ZSWIM5: variants seen among roughly 807,000 people sequenced by gnomAD.
ZSWIM5 encodes zinc finger SWIM-type containing 5.
A neutral mutation model predicts 119.6 loss-of-function variants in ZSWIM5; 55 were observed. The ratio of observed to expected loss-of-function variants is 0.46; its 90% CI spans 0.37 to 0.58. The LOEUF is 0.58. ZSWIM5 is among the 20% of genes least tolerant of loss of function. The pLI, the probability that ZSWIM5 is intolerant of heterozygous loss-of-function variation, is 0.00. For missense variants in ZSWIM5, 1,193 were observed against 1,512.8 expected (o/e 0.79, Z 3.51); for synonymous variants, 537 against 606.9 (o/e 0.88, Z 1.69).
At chr1:45,131,507 T>C (rs1382651775) in intron 1 of ZSWIM5, among the ~76,000 whole-genome samples, 1 of 152,006 alleles carries the variant, frequency 6.6e-6, no homozygotes, top group Non-Finnish European at 1.5e-5. Flanking sequence ...GTGGACCACT[T>C]AAGCTCCGGA....
chr1:45,154,843 T>C (rs1246515066), intron 1 of ZSWIM5, among the ~76,000 whole-genome samples: 2 of 151,908 alleles, frequency 1.3e-5, no homozygotes, highest in Non-Finnish European at 2.9e-5. Flanking sequence ...GATTGTGCCA[T>C]TGCACTCCAG....
chr1:45,200,408 A>T (rs1441110769), intron 1 of ZSWIM5, among the ~76,000 whole-genome samples: 1 of 152,238 alleles, frequency 6.6e-6, no homozygotes, highest in Non-Finnish European at 1.5e-5. Context: ...CACAAGGTAA[A>T]AAAATTCACA....
intron 2 of ZSWIM5, among the ~76,000 whole-genome samples, chr1:45,085,258 C>T (rs368759300): frequency 4.6e-5 from 7 of 152,176 alleles, no homozygotes; most frequent in South Asian, 4.1e-4. Flanking sequence ...AGCAGGGTAG[C>T]GGAGCCCTGG....
chr1:45,135,808 T>G (rs1443179782), intron 1 of ZSWIM5, among the ~76,000 whole-genome samples: 1 of 152,042 alleles, frequency 6.6e-6, no homozygotes. Context: ...GGTAGAAAAT[T>G]TTCAGGATTT....
rs139230522 is a variant in ZSWIM5, at chr1:45,154,359, T to G, written c.595+51397A>C. On this transcript the variant is annotated intron_variant, in intron 1 of 13. Transcript: ENST00000359600. ...CCTGATTTCAAACATAAGGTCACAGTCACCAAAACAGCATGGTGCTGGTAT... is the reference window on the plus strand; with the variant it reads ...CCTGATTTCAAACATAAGGTCACAGGCACCAAAACAGCATGGTGCTGGTAT... Among the ~76,000 whole-genome samples, 3 of 152,194 alleles carry G rather than the reference T, an allele frequency of 2.0e-5. No homozygotes were observed. In the East Asian group the frequency reaches 5.8e-4, roughly 29 times the overall value.
intron 1 of ZSWIM5, among the ~76,000 whole-genome samples, chr1:45,105,716 G>A (rs116738419): frequency 0.021 from 2,887 of 136,196 alleles, 102 homozygotes; most frequent in African/African-American, 0.076. Context: ...GGCTGCCCCC[G>A]TCGGGGAAGT....
Position 45,076,704 on chromosome 1 carries a change from T to G in ZSWIM5, c.952+11177A>C, listed in dbSNP as rs545734555. Among the ~76,000 whole-genome samples, 7 of 152,324 alleles carry G rather than the reference T, an allele frequency of 4.6e-5. No homozygotes were observed. The South Asian group carries it at 1.2e-3, about 27-fold the overall frequency. Reference sequence around the variant, plus strand: ...GAATAAACTCTCTACCTCCAGTTTCTTTCTCTACGTCGTCTCTAAGCCCAA... The same window carrying G: ...GAATAAACTCTCTACCTCCAGTTTCGTTCTCTACGTCGTCTCTAAGCCCAA... On this transcript the variant is annotated intron_variant, in intron 2 of 13. Coordinates refer to ENST00000359600, the MANE Select transcript of ZSWIM5 (RefSeq NM_020883.2).
chr1:45,170,522 T>C (rs1277836650), intron 1 of ZSWIM5, among the ~76,000 whole-genome samples: 1 of 151,912 alleles, frequency 6.6e-6, no homozygotes, highest in African/African-American at 2.4e-5. Flanking sequence ...ACTTTTGGGT[T>C]CAAGTGATCC....
At chr1:45,052,130 C>A (rs1024991208) in intron 4 of ZSWIM5, among the ~76,000 whole-genome samples, 4 of 151,564 alleles carry the variant, frequency 2.6e-5, no homozygotes, top group Non-Finnish European at 5.9e-5. Context: ...AGCGCCCCCC[C>A]TCGCACCCCA....
At chr1:45,109,239 T>A (rs1645499591) in intron 1 of ZSWIM5, among the ~76,000 whole-genome samples, 1 of 152,206 alleles carries the variant, frequency 6.6e-6, no homozygotes, top group African/African-American at 2.4e-5. Flanking sequence ...TCTCATTAAG[T>A]CTTTATTCAG....
intron 1 of ZSWIM5, among the ~76,000 whole-genome samples, chr1:45,146,677 T>C (rs186974): frequency 6.7e-6 from 1 of 148,666 alleles, no homozygotes; most frequent in Non-Finnish European, 1.5e-5. Context: ...TGGCCTCAAG[T>C]GATCCACCCG....
chr1:45,187,042 C>T lies in ZSWIM5; in HGVS notation c.595+18714G>A, dbSNP rs772052019. 1.1e-4 allele frequency among the ~76,000 whole-genome samples: 17 copies of T among 152,178 alleles called. No homozygotes were observed. The South Asian group carries it at 1.7e-3, about 15-fold the overall frequency. On this transcript the variant is annotated intron_variant, in intron 1 of 13. Transcript: ENST00000359600. ...ATGCCAAAACTTCCAAACTGATCTA[C>T]GGATTCGATACAATCGCTTTCAAAA...
chr1:45,037,886 G>GTTTCT (rs1281695179), intron 8 of ZSWIM5, among the ~76,000 whole-genome samples: 2 of 152,118 alleles, frequency 1.3e-5, no homozygotes, highest in African/African-American at 4.8e-5. Context: ...CAAAGTCTTG[G>GTTTCT]TTTCTTTTCT....
In ZSWIM5 at chr1:45,088,904, C is replaced by T. The variant is rs1023126830; in HGVS notation, c.596-667G>A. 4.6e-5 allele frequency among the ~76,000 whole-genome samples: 7 copies of T among 152,090 alleles called. No homozygotes were observed. The highest frequency in any genetic ancestry group is 2.1e-4 in the South Asian group (1 of 4,814). On this transcript the variant is annotated intron_variant, in intron 1 of 13. Coordinates refer to ENST00000359600, the MANE Select transcript of ZSWIM5 (RefSeq NM_020883.2). This position sits in a 1 kb window ranked among gnomAD's most constrained non-coding sequence, Gnocchi z 4.2. ...AAATGTAGGGAGAACCCATTTTTAACGTAACAAAATTAAAAGATAAAATCA... is the reference window on the plus strand; with the variant it reads ...AAATGTAGGGAGAACCCATTTTTAATGTAACAAAATTAAAAGATAAAATCA...
intron 1 of ZSWIM5, among the ~76,000 whole-genome samples, chr1:45,205,329 C>T (rs1284981514): frequency 6.6e-6 from 1 of 152,188 alleles, no homozygotes; most frequent in Non-Finnish European, 1.5e-5. Flanking sequence ...ACTCAATCGG[C>T]TAGGGCTATA....
chr1:45,166,603 G>A (rs1017674070), intron 1 of ZSWIM5, among the ~76,000 whole-genome samples: 9 of 152,114 alleles, frequency 5.9e-5, no homozygotes, highest in African/African-American at 2.2e-4. Flanking sequence ...TCCTTAAGCT[G>A]ATACGCAACT....
chr1:45,092,759 G>A (rs1458194187), intron 1 of ZSWIM5, among the ~76,000 whole-genome samples: 1 of 152,120 alleles, frequency 6.6e-6, no homozygotes, highest in Non-Finnish European at 1.5e-5. Context: ...AATTATGTGG[G>A]TGGGCCTCAT....
chr1:45,136,630 T>C (rs1225742655), intron 1 of ZSWIM5, among the ~76,000 whole-genome samples: 1 of 152,208 alleles, frequency 6.6e-6, no homozygotes, highest in East Asian at 1.9e-4. Flanking sequence ...TTATTGTATA[T>C]GGAAAACTGT....
In ZSWIM5 at chr1:45,056,619, A is replaced by AT. The variant is rs1411538862; in HGVS notation, c.1252+1989_1252+1990insA. On this transcript the variant is annotated intron_variant, in intron 4 of 13. Coordinates refer to ENST00000359600, the MANE Select transcript of ZSWIM5 (RefSeq NM_020883.2). ...GAGTGAGACTCTGTCTCAAAAAAAA[A>AT]AAAAGATATTAGAGCATATTTGTAT... Among the ~76,000 whole-genome samples, 3 of 151,612 alleles carry AT rather than the reference A, an allele frequency of 2.0e-5. No individual in the cohort carries two copies. In the East Asian group the frequency reaches 5.8e-4, roughly 29 times the overall value.
Sources: gnomAD v4.1 joint callset for allele counts (sites outside exome capture counted in the v4.1 genomes callset) on GRCh38, gnomAD v4.1.1 for gene constraint, Gnocchi (gnomAD v3.1) non-coding constraint, MANE v1.5 for transcripts, NCBI Gene and HGNC (gene_info 2026-07-23, HGNC 2026-07-21) for gene names.